Variants in DMRTA2 observed in about 807,000 individuals in gnomAD.
DMRTA2 encodes the protein doublesex- and mab-3-related transcription factor A2.
A neutral mutation model predicts 29.7 loss-of-function variants in DMRTA2; 10 were observed. The observed-to-expected ratio is 0.34, with a 90% CI of 0.21 to 0.57. The LOEUF is 0.57. Ranked by LOEUF, DMRTA2 falls within the 20% of genes least tolerant of loss-of-function variation. The pLI, the probability that DMRTA2 is intolerant of heterozygous loss-of-function variation, is 0.87. For synonymous variants in DMRTA2, 469 were observed against 402.6 expected (o/e 1.16, Z -1.97); for missense variants, 783 against 812.1 (o/e 0.96, Z 0.44).
In DMRTA2 at chr1:50,419,726, A is replaced by C; in HGVS notation, c.568T>G (p.Leu190Val). The C allele has an allele frequency of 6.8e-7, 1 of 1,472,808 alleles. No individual in the cohort carries two copies. Among genetic ancestry groups the C allele is most frequent in the East Asian group, 2.6e-5 (1 of 38,642 alleles). The allele number at this position is 1,472,808 out of a possible 1,614,324, so 91.2% of individuals were successfully genotyped here. Residue 190 changes from leucine (L) to valine (V), a missense_variant, in exon 3 of 3, where the codon TTG becomes GTG. By Grantham distance (32) the Leu-to-Val change is conservative. Coordinates refer to ENST00000404795, the MANE Select transcript of DMRTA2 (RefSeq NM_032110.3). The surrounding 1 kb of genome is among the most constrained non-coding windows in gnomAD (Gnocchi z 6.1). ...AAGAGGSEAK[L>V]QKFDLFPKTL... ...TTAGGAAACAGGTCAAACTTCTGCA[A>C]CTTGGCCTCTGGGAGGGGAGAAAAC...
Position 50,419,138 on chromosome 1 carries a change from G to A in DMRTA2, c.1156C>T (p.Arg386Cys). The change falls in exon 3 of 3, where the codon CGC (arginine) becomes TGC (cysteine). Residue 386 changes from arginine (R) to cysteine (C), a missense_variant. This residue lies in a region of DMRTA2 where 667 missense variants were observed against 624.8 expected (regional missense o/e 1.07). Transcript: ENST00000404795. This position sits in a 1 kb window ranked among gnomAD's most constrained non-coding sequence, Gnocchi z 6.1. Reference sequence around the variant, plus strand: ...GCGGCGGCGGCGGCGGCGTCGACGCGGCTGGGCCACGCGTCGTCTGCAGCT... The same window carrying A: ...GCGGCGGCGGCGGCGGCGTCGACGCAGCTGGGCCACGCGTCGTCTGCAGCT... ...AAAADDAWPS[R>C]VDAAAAAAAA... The A allele has an allele frequency of 2.5e-6, 3 of 1,195,212 alleles. No homozygotes were observed. The highest frequency in any genetic ancestry group is 2.1e-6 in the Non-Finnish European group (2 of 969,854). 74.0% of individuals were successfully genotyped at this position (1,195,212 alleles called of 1,614,324 possible).
At position 50,421,339 on chromosome 1, in the gene DMRTA2, C is replaced by T. The variant is rs1429277943; in HGVS notation, c.198G>A (p.Arg66=). 6.6e-7 allele frequency: 1 copy of T among 1,526,176 alleles called. No homozygotes were observed. 94.5% of individuals were successfully genotyped at this position (1,526,176 alleles called of 1,614,324 possible). The change falls in exon 2 of 3, where the codon CGG becomes CGA. Residue 66 remains arginine (R), a synonymous_variant. Transcript: ENST00000404795. This position sits in a 1 kb window ranked among gnomAD's most constrained non-coding sequence, Gnocchi z 8.7. ...LLLRAAEKYP[R]TPKCARCRNH... The stretch of plus-strand genomic sequence containing the variant: ...TGCGACAGCGCGCGCACTTGGGGGT[C>T]CGCGGGTACTTCTCGGCTGCCCGCA...
At position 50,418,912 on chromosome 1, in the gene DMRTA2, A is replaced by AGCGC; in HGVS notation, c.1381_1382insGCGC (p.Leu461ArgfsTer47). 1 of 1,442,956 alleles carries AGCGC rather than the reference A, an allele frequency of 6.9e-7. No homozygotes were observed. The highest frequency in any genetic ancestry group is 9.1e-7 in the Non-Finnish European group (1 of 1,104,202). 89.4% of individuals were successfully genotyped at this position (1,442,956 alleles called of 1,614,324 possible). Reference sequence around the variant, plus strand: ...GGCCAGGCGCAGGGGGCTGAGGCCGAGCGGCGCGCCCAGCGGGTAGGCGCC... The same window carrying AGCGC: ...GGCCAGGCGCAGGGGGCTGAGGCCGAGCGCGCGGCGCGCCCAGCGGGTAGGCGCC... On this transcript the variant is annotated frameshift_variant, in exon 3 of 3. Coordinates refer to ENST00000404795, the MANE Select transcript of DMRTA2 (RefSeq NM_032110.3). LOFTEE classifies it high-confidence loss of function.
chr1:50,419,072 C>A lies in DMRTA2; in HGVS notation c.1222G>T (p.Ala408Ser). ...GGPGLPAPLQ[A>S]GPAAPPHHRP... ...TGGTGCGGAGGTGCGGCGGGCCCCG[C>A]CTGCAGCGGCGCAGGCAGCCCAGGC... The change falls in exon 3 of 3, where the codon GCG (alanine) becomes TCG (serine). Residue 408 changes from alanine (A) to serine (S), a missense_variant. Around this residue, in one of 3 missense-constraint regions of DMRTA2, gnomAD observed 667 missense variants for 624.8 expected, o/e 1.07. Transcript: ENST00000404795. This position sits in a 1 kb window ranked among gnomAD's most constrained non-coding sequence, Gnocchi z 6.1. 7.9e-7 allele frequency: 1 copy of A among 1,266,004 alleles called. No homozygotes were observed. The highest frequency in any genetic ancestry group is 9.9e-7 in the Non-Finnish European group (1 of 1,009,214). 78.4% of individuals were successfully genotyped at this position (1,266,004 alleles called of 1,614,324 possible). A position where few individuals can be genotyped will look rare whatever the true frequency, so the allele number is the denominator to read the frequency against.
Position 50,418,418 on chromosome 1 carries a change from C to A in DMRTA2, c.*247G>T. ...GGCCGGGTGAGGCTGGAAGAGGGAT[C>A]CGGAGGTAGGAGATGAGGACCCAGG... On this transcript the variant is annotated 3_prime_UTR_variant, in exon 3 of 3. Coordinates refer to ENST00000404795, the MANE Select transcript of DMRTA2 (RefSeq NM_032110.3). The A allele has an allele frequency of 5.4e-6, 2 of 367,996 alleles. No individual in the cohort carries two copies. The highest frequency in any genetic ancestry group is 9.7e-6 in the Non-Finnish European group (2 of 206,958). The allele number at this position is 367,996 out of a possible 1,614,324, so 22.8% of individuals were successfully genotyped here.
In DMRTA2 at chr1:50,419,463, G is replaced by T; in HGVS notation, c.831C>A (p.Ser277Arg). 1.3e-6 allele frequency: 2 copies of T among 1,597,332 alleles called. No individual in the cohort carries two copies. The highest frequency in any genetic ancestry group is 8.5e-7 in the Non-Finnish European group (1 of 1,177,450). ...AGPGGGGEED[S>R]PGSASPLGSE... Reference sequence around the variant, plus strand: ...AGCCCAGAGGGCTAGCGGAGCCCGGGCTGTCCTCCTCGCCGCCGCCGCCAG... The same window carrying T: ...AGCCCAGAGGGCTAGCGGAGCCCGGTCTGTCCTCCTCGCCGCCGCCGCCAG... Residue 277 changes from serine (S) to arginine (R), a missense_variant, in exon 3 of 3, where the codon AGC (serine) becomes AGA (arginine). By Grantham distance (110) the Ser-to-Arg change is moderately radical. Transcript: ENST00000404795. This position sits in a 1 kb window ranked among gnomAD's most constrained non-coding sequence, Gnocchi z 6.1.
In DMRTA2 at chr1:50,421,305, C is replaced by T. The variant is rs1458350077; in HGVS notation, c.232G>A (p.Val78Met). 3.9e-6 allele frequency: 6 copies of T among 1,531,424 alleles called. No individual in the cohort carries two copies. The South Asian group carries it at 4.8e-5, about 12-fold the overall frequency. The allele number at this position is 1,531,424 out of a possible 1,614,324, so 94.9% of individuals were successfully genotyped here. The part of the protein sequence containing the change: ...PKCARCRNHG[V>M]VSALKGHKRY... ...TTGTGGCCCTTGAGGGCCGACACCACGCCATGGTTGCGACAGCGCGCGCAC... is the reference window on the plus strand; with the variant it reads ...TTGTGGCCCTTGAGGGCCGACACCATGCCATGGTTGCGACAGCGCGCGCAC... Residue 78 changes from valine to methionine, a missense_variant, in exon 2 of 3, where the codon GTG becomes ATG. By Grantham distance (21) the Val-to-Met change is conservative (BLOSUM62 1). Coordinates refer to ENST00000404795, the MANE Select transcript of DMRTA2 (RefSeq NM_032110.3). The surrounding 1 kb of genome is among the most constrained non-coding windows in gnomAD (Gnocchi z 8.7).
Position 50,419,762 on chromosome 1 carries a change from G to A in DMRTA2, c.560-28C>T, listed in dbSNP as rs939258702. Reference sequence around the variant, plus strand: ...GGGAGGGGAGAAAACGTGTCGTGAGGAGCGGTTAGCTAGAAGACAGCAGTC... The same window carrying A: ...GGGAGGGGAGAAAACGTGTCGTGAGAAGCGGTTAGCTAGAAGACAGCAGTC... On this transcript the variant is annotated intron_variant, in intron 2 of 2. Coordinates refer to ENST00000404795, the MANE Select transcript of DMRTA2 (RefSeq NM_032110.3). This position sits in a 1 kb window ranked among gnomAD's most constrained non-coding sequence, Gnocchi z 6.1. 2.1e-6 allele frequency: 3 copies of A among 1,447,788 alleles called. No individual in the cohort carries two copies. The highest frequency in any genetic ancestry group is 5.3e-5 in the East Asian group (2 of 37,482). 89.7% of individuals were successfully genotyped at this position (1,447,788 alleles called of 1,614,324 possible).
chr1:50,418,189 A>G lies in DMRTA2; in HGVS notation c.*476T>C, dbSNP rs1646000795. The stretch of plus-strand genomic sequence containing the variant: ...ATGTGTGTCCCAAAGACTCAGTGCC[A>G]AGAGATTTATACATCCTAAATTTAT... On this transcript the variant is annotated 3_prime_UTR_variant, in exon 3 of 3. Transcript: ENST00000404795. 3 of 152,376 alleles carry G rather than the reference A, an allele frequency of 2.0e-5. No individual in the cohort carries two copies. Among genetic ancestry groups the G allele is most frequent in the Admixed American group, 2.0e-4 (3 of 15,260 alleles). The allele number at this position is 152,376 out of a possible 1,614,324, so 9.4% of individuals were successfully genotyped here.
At position 50,420,466 on chromosome 1, in the gene DMRTA2, G is replaced by A. The variant is rs1646027410; in HGVS notation, c.559+512C>T. ...GAGGGTGCGGAAGAAACTAGAAGGA[G>A]GGAGGGCGCAGCAAGCGGTTGTCCA... is the stretch of plus-strand genomic sequence containing the variant. On this transcript the variant is annotated intron_variant, in intron 2 of 2. Transcript: ENST00000404795. This position sits in a 1 kb window ranked among gnomAD's most constrained non-coding sequence, Gnocchi z 4.1. Among the ~76,000 whole-genome samples the A allele has an allele frequency of 6.6e-6, 1 of 152,102 alleles. No homozygotes were observed. The highest frequency in any genetic ancestry group is 6.5e-5 in the Admixed American group (1 of 15,280).
rs759619303 is a variant in DMRTA2 at position 50,419,519 on chromosome 1, C to T, written c.775G>A (p.Ala259Thr). 83 of 1,588,312 alleles carry T rather than the reference C, an allele frequency of 5.2e-5. No homozygotes were observed. Among genetic ancestry groups the T allele is most frequent in the Non-Finnish European group, 6.4e-5 (75 of 1,170,534 alleles). The change falls in exon 3 of 3, where the codon GCA becomes ACA. Residue 259 changes from alanine (A) to threonine (T), a missense_variant. Ala to Thr is a moderately conservative substitution (Grantham distance 58). Coordinates refer to ENST00000404795, the MANE Select transcript of DMRTA2 (RefSeq NM_032110.3). The surrounding 1 kb of genome is among the most constrained non-coding windows in gnomAD (Gnocchi z 6.1). ...GCGCTGCCTGGGCAGCTGCCACCTG[C>T]CTCTTTGGAGGCCCGAGCTAGGGGC... ...GSPLARASKE[A>T]GGSCPGSAGP...
At position 50,418,694 on chromosome 1, in the gene DMRTA2, T is replaced by A. The variant is rs568496736; in HGVS notation, c.1600A>T (p.Met534Leu). 6.8e-7 allele frequency: 1 copy of A among 1,467,624 alleles called. No homozygotes were observed. The highest frequency in any genetic ancestry group is 9.0e-7 in the Non-Finnish European group (1 of 1,114,682). The allele number at this position is 1,467,624 out of a possible 1,614,324, so 90.9% of individuals were successfully genotyped here. A position where few individuals can be genotyped will look rare whatever the true frequency, so the allele number is the denominator to read the frequency against. Reference sequence around the variant, plus strand: ...TGCTTCTCCGGAGCGCCGTTGACCATAGGCCCGTACAGGCCGCCGCCGTAG... The same window carrying A: ...TGCTTCTCCGGAGCGCCGTTGACCAAAGGCCCGTACAGGCCGCCGCCGTAG... ...PTYGGGLYGPMVNGAPEKQ is the reference protein window; with the variant it reads ...PTYGGGLYGPLVNGAPEKQ Residue 534 changes from methionine (M) to leucine (L), a missense_variant, in exon 3 of 3, where the codon ATG becomes TTG. Met to Leu is a conservative substitution (Grantham distance 15, BLOSUM62 2). Around this residue, in one of 3 missense-constraint regions of DMRTA2, gnomAD observed 667 missense variants for 624.8 expected, o/e 1.07. Coordinates refer to ENST00000404795, the MANE Select transcript of DMRTA2 (RefSeq NM_032110.3).
chr1:50,417,557 C>T lies in DMRTA2; in HGVS notation c.*1108G>A, dbSNP rs1418316421. The T allele has an allele frequency of 6.8e-6, 1 of 147,112 alleles. No individual in the cohort carries two copies. Among genetic ancestry groups the T allele is most frequent in the African/African-American group, 2.5e-5 (1 of 40,226 alleles). The allele number at this position is 147,112 out of a possible 1,614,324, so 9.1% of individuals were successfully genotyped here. On this transcript the variant is annotated 3_prime_UTR_variant, in exon 3 of 3. Coordinates refer to ENST00000404795, the MANE Select transcript of DMRTA2 (RefSeq NM_032110.3). ...GCGGGACGGGATTCGGCATTGTTTT[C>T]TTAGAAAATAACATTTATTTCTAGC...
chr1:50,419,564 C>A lies in DMRTA2; in HGVS notation c.730G>T (p.Gly244Cys). Residue 244 changes from glycine (G) to cysteine (C), a missense_variant, in exon 3 of 3, where the codon GGC becomes TGC. Around this residue, in one of 3 missense-constraint regions of DMRTA2, gnomAD observed 667 missense variants for 624.8 expected, o/e 1.07. Transcript: ENST00000404795. The surrounding 1 kb of genome is among the most constrained non-coding windows in gnomAD (Gnocchi z 6.1). ...AGGGGCGAACCAGAAAAGGACTCGC[C>A]ATCGCCGTTCTCCGAGCCTGAGCCG... ...RPGSGSENGD[G>C]ESFSGSPLAR... is the part of the protein sequence containing the mutation. 1 of 1,560,116 alleles carries A rather than the reference C, an allele frequency of 6.4e-7. No individual in the cohort carries two copies. The highest frequency in any genetic ancestry group is 1.4e-5 in the African/African-American group (1 of 72,086).
At position 50,419,299 on chromosome 1, in the gene DMRTA2, A is replaced by G; in HGVS notation, c.995T>C (p.Leu332Pro). ...GCCGCAGCCCTGCAACACCAGCTCC[A>G]GGACGCCTCGCCGGTGGCCTGGGAA... ...RVFPGHRRGV[L>P]ELVLQGCGGD... Residue 332 changes from leucine (L) to proline (P), a missense_variant, in exon 3 of 3, where the codon CTG (leucine) becomes CCG (proline). Physicochemically the swap from Leu to Pro is moderately conservative, Grantham distance 98 (BLOSUM62 -3). This residue lies in a region of DMRTA2 where 667 missense variants were observed against 624.8 expected (regional missense o/e 1.07). Coordinates refer to ENST00000404795, the MANE Select transcript of DMRTA2 (RefSeq NM_032110.3). The surrounding 1 kb of genome is among the most constrained non-coding windows in gnomAD (Gnocchi z 6.1). The G allele has an allele frequency of 6.3e-7, 1 of 1,595,596 alleles. No individual in the cohort carries two copies. The highest frequency in any genetic ancestry group is 8.5e-7 in the Non-Finnish European group (1 of 1,178,638).
Position 50,419,138 on chromosome 1 carries a change from G to T in DMRTA2, c.1156C>A (p.Arg386Ser). The change falls in exon 3 of 3, where the codon CGC (arginine) becomes AGC (serine). Residue 386 changes from arginine to serine, a missense_variant. By Grantham distance (110) the Arg-to-Ser change is moderately radical. Around this residue, in one of 3 missense-constraint regions of DMRTA2, gnomAD observed 667 missense variants for 624.8 expected, o/e 1.07. Coordinates refer to ENST00000404795, the MANE Select transcript of DMRTA2 (RefSeq NM_032110.3). The surrounding 1 kb of genome is among the most constrained non-coding windows in gnomAD (Gnocchi z 6.1). Reference sequence around the variant, plus strand: ...GCGGCGGCGGCGGCGGCGTCGACGCGGCTGGGCCACGCGTCGTCTGCAGCT... The same window carrying T: ...GCGGCGGCGGCGGCGGCGTCGACGCTGCTGGGCCACGCGTCGTCTGCAGCT... ...AAAADDAWPS[R>S]VDAAAAAAAA... The T allele has an allele frequency of 8.4e-7, 1 of 1,195,210 alleles. No individual in the cohort carries two copies. 74.0% of individuals were successfully genotyped at this position (1,195,210 alleles called of 1,614,324 possible). A position where few individuals can be genotyped will look rare whatever the true frequency, so the allele number is the denominator to read the frequency against.
Position 50,418,766 on chromosome 1 carries a change from G to C in DMRTA2, c.1528C>G (p.Arg510Gly). 1 of 1,583,440 alleles carries C rather than the reference G, an allele frequency of 6.3e-7. No individual in the cohort carries two copies. Among genetic ancestry groups the C allele is most frequent in the African/African-American group, 1.4e-5 (1 of 72,362 alleles). ...GCAGCAGCGGCGGCCGAGCGGTCAC[G>C]CATGAGATCGCTAAAGGCGTAGTCC... The part of the protein sequence containing the change: ...PMDYAFSDLM[R>G]DRSAAAAAAV... Residue 510 changes from arginine (R) to glycine (G), a missense_variant, in exon 3 of 3, where the codon CGT becomes GGT. By Grantham distance (125) the Arg-to-Gly change is moderately radical. Transcript: ENST00000404795.
rs1646013289 is a variant in DMRTA2, at chr1:50,419,054, G to A, written c.1240C>T (p.Pro414Ser). Residue 414 changes from proline to serine, a missense_variant, in exon 3 of 3, where the codon CCG (proline) becomes TCG (serine). Around this residue, in one of 3 missense-constraint regions of DMRTA2, gnomAD observed 667 missense variants for 624.8 expected, o/e 1.07. Coordinates refer to ENST00000404795, the MANE Select transcript of DMRTA2 (RefSeq NM_032110.3). This position sits in a 1 kb window ranked among gnomAD's most constrained non-coding sequence, Gnocchi z 6.1. ...CCGGCCAGCAAGGGTCTGTGGTGCG[G>A]AGGTGCGGCGGGCCCCGCCTGCAGC... Reference protein sequence around the residue: ...APLQAGPAAPPHHRPLLAGAM... With the variant: ...APLQAGPAAPSHHRPLLAGAM... 13 of 1,311,088 alleles carry A rather than the reference G, an allele frequency of 9.9e-6. No individual in the cohort carries two copies. Among genetic ancestry groups the A allele is most frequent in the South Asian group, 4.3e-5 (2 of 46,400 alleles). 81.2% of individuals were successfully genotyped at this position (1,311,088 alleles called of 1,614,324 possible). A position where few individuals can be genotyped will look rare whatever the true frequency, so the allele number is the denominator to read the frequency against.
chr1:50,419,148 C>G lies in DMRTA2; in HGVS notation c.1146G>C (p.Ala382=). Residue 382 remains alanine, a synonymous_variant, in exon 3 of 3, where the codon GCG becomes GCC. Transcript: ENST00000404795. This position sits in a 1 kb window ranked among gnomAD's most constrained non-coding sequence, Gnocchi z 6.1. ...AVGAAAAADD[A]WPSRVDAAAA... ...CGGCGGCGTCGACGCGGCTGGGCCA[C>G]GCGTCGTCTGCAGCTGCTGCAGCAC... The G allele has an allele frequency of 8.1e-7, 1 of 1,240,982 alleles. No individual in the cohort carries two copies. Among genetic ancestry groups the G allele is most frequent in the Non-Finnish European group, 1.0e-6 (1 of 996,310 alleles). 76.9% of individuals were successfully genotyped at this position (1,240,982 alleles called of 1,614,324 possible).
Sources: gnomAD v4.1 joint callset for allele counts (sites outside exome capture counted in the v4.1 genomes callset) on GRCh38, gnomAD v4.1.1 for gene constraint, gnomAD v4.1.1 regional missense constraint, Gnocchi (gnomAD v3.1) non-coding constraint, MANE v1.5 for transcripts, NCBI Gene and HGNC (gene_info 2026-07-23, HGNC 2026-07-21) for gene names.